Variants in GLCE observed in about 807,000 individuals in gnomAD.
GLCE encodes D-glucuronyl C5-epimerase.
Under a neutral mutation model 47.9 loss-of-function variants are expected in GLCE, and 19 were observed. The ratio of observed to expected loss-of-function variants is 0.40; its 90% CI spans 0.28 to 0.58. GLCE has a LOEUF of 0.58. Among genes scored for constraint, GLCE ranks in the 20% least tolerant of loss-of-function variants. The pLI, the probability that GLCE is intolerant of heterozygous loss-of-function variation, is 0.48. For missense variants in GLCE, 556 were observed against 743.3 expected, an observed-to-expected ratio of 0.75 and a Z score of 2.93; for synonymous variants, 245 against 263.4, an observed-to-expected ratio of 0.93 and a Z score of 0.68.
At chr15:69,264,318 C>A (rs1193129249) in intron 4 of GLCE, among the ~76,000 whole-genome samples, 2 of 152,090 alleles carry the variant, frequency 1.3e-5, no homozygotes, top group East Asian at 3.8e-4. Flanking sequence ...TCACAAACGG[C>A]AGGATTTCCT....
intron 1 of GLCE, among the ~76,000 whole-genome samples, chr15:69,170,121 G>A (rs1262797915): frequency 6.6e-6 from 1 of 152,032 alleles, no homozygotes; most frequent in Non-Finnish European, 1.5e-5. Context: ...TTTCTAGAAA[G>A]TTGCTAATTT....
At chr15:69,261,065 A>C (rs369532089) in intron 3 of GLCE, 22 bp from the exon 4 acceptor site, 1 of 1,602,162 alleles carries the variant, frequency 6.2e-7, no homozygotes, top group East Asian at 2.2e-5. Flanking sequence ...ATGATTATTC[A>C]TTTTGTTTCT....
At chr15:69,259,615 C>A (rs530624774) in intron 3 of GLCE, among the ~76,000 whole-genome samples, 295 of 152,266 alleles carry the variant, frequency 1.9e-3, no homozygotes, top group Non-Finnish European at 3.6e-3. Flanking sequence ...ATGGAATATT[C>A]GTCATTATAC....
At chr15:69,222,785 T>G (rs2052395373) in intron 2 of GLCE, among the ~76,000 whole-genome samples, 1 of 152,240 alleles carries the variant, frequency 6.6e-6, no homozygotes, top group African/African-American at 2.4e-5. Context: ...TCTGTTCATA[T>G]CCTGCTCCTT....
chr15:69,257,967 G>A (rs1343761464), intron 3 of GLCE, among the ~76,000 whole-genome samples: 2 of 151,534 alleles, frequency 1.3e-5, no homozygotes, highest in African/African-American at 4.8e-5. Flanking sequence ...TCTTTTTGTT[G>A]TTGTAGAAAT....
At chr15:69,259,246 T>C (rs983819772) in intron 3 of GLCE, among the ~76,000 whole-genome samples, 7 of 152,248 alleles carry the variant, frequency 4.6e-5, no homozygotes, top group African/African-American at 9.6e-5. Flanking sequence ...TGTGAACTTA[T>C]GTAGTAAGGG....
At chr15:69,185,103 T>A (rs16952914) in intron 1 of GLCE, among the ~76,000 whole-genome samples, 18,568 of 152,250 alleles carry the variant, frequency 0.12, 1,199 homozygotes, top group East Asian at 0.16. Context: ...TGTGTTCTAA[T>A]GCTCTGAGGT....
chr15:69,169,209 C>T (rs867907827), intron 1 of GLCE, among the ~76,000 whole-genome samples: 7 of 152,198 alleles, frequency 4.6e-5, no homozygotes, highest in Middle Eastern at 6.8e-3. Flanking sequence ...TTTCATTATA[C>T]GAGTGTCTAT....
Position 69,246,377 on chromosome 15 carries a change from A to G in GLCE, c.-13-9417A>G, listed in dbSNP as rs566399059. Among the ~76,000 whole-genome samples, 5 of 152,324 alleles carry G rather than the reference A, an allele frequency of 3.3e-5. No homozygotes were observed. In the East Asian group the frequency reaches 9.6e-4, roughly 29 times the overall value. On this transcript the variant is annotated intron_variant, in intron 2 of 4. Transcript: ENST00000261858. ...ACCTAGATCCATCAGAGGAATCACC[A>G]TCTATGGCCAGCTATAGTGTTACAA...
chr15:69,181,566 A>G (rs1280332374), intron 1 of GLCE, among the ~76,000 whole-genome samples: 1 of 152,194 alleles, frequency 6.6e-6, no homozygotes, highest in East Asian at 1.9e-4. Flanking sequence ...AGTTCCAGTA[A>G]AGAGAACTGG....
In GLCE at chr15:69,171,723, A is replaced by G. The variant is rs146157242; in HGVS notation, c.-105+10966A>G. On this transcript the variant is annotated intron_variant, in intron 1 of 4. Coordinates refer to ENST00000261858, the MANE Select transcript of GLCE (RefSeq NM_015554.3). ...GGGATAGATTCTTTTTAAGGCCCTT[A>G]TTTCAAAAACTAAAATTTGGGAATG... is the stretch of plus-strand genomic sequence containing the variant. 1.3e-3 allele frequency among the ~76,000 whole-genome samples: 205 copies of G among 152,232 alleles called. 1 individual carries two copies. The highest frequency in any genetic ancestry group is 4.7e-3 in the African/African-American group (197 of 41,528).
At chr15:69,245,598 A>G (rs2052735844) in intron 2 of GLCE, among the ~76,000 whole-genome samples, 1 of 152,202 alleles carries the variant, frequency 6.6e-6, no homozygotes, top group Admixed American at 6.5e-5. Flanking sequence ...GTATCATTCC[A>G]TGCCATTTGA....
intron 2 of GLCE, among the ~76,000 whole-genome samples, chr15:69,243,057 C>CAA (rs547412078): frequency 0.031 from 1,316 of 42,210 alleles, 52 homozygotes; most frequent in African/African-American, 0.081. Flanking sequence ...AGATCCTGTC[C>CAA]AAAAAAAAAA....
At chr15:69,163,794 T>A (rs186898127) in intron 1 of GLCE, among the ~76,000 whole-genome samples, 9 of 152,318 alleles carry the variant, frequency 5.9e-5, no homozygotes, top group Admixed American at 5.2e-4. Context: ...AATTAAAACA[T>A]TTCAGTCACT....
intron 1 of GLCE, among the ~76,000 whole-genome samples, chr15:69,206,856 G>C (rs1458622245): frequency 1.3e-5 from 2 of 151,996 alleles, no homozygotes; most frequent in African/African-American, 4.8e-5. Flanking sequence ...GGCCTTCTCA[G>C]AGGATAGAGC....
intron 2 of GLCE, among the ~76,000 whole-genome samples, chr15:69,210,955 A>G (rs2052225602): frequency 6.6e-6 from 1 of 152,136 alleles, no homozygotes; most frequent in Non-Finnish European, 1.5e-5. Flanking sequence ...TAGAAAACTG[A>G]AGCAGGGTAT....
intron 2 of GLCE, among the ~76,000 whole-genome samples, chr15:69,247,864 T>C (rs2052775256): frequency 1.3e-5 from 2 of 152,214 alleles, no homozygotes; most frequent in African/African-American, 4.8e-5. Context: ...CCATTTTATA[T>C]GAGTACAGTT....
chr15:69,265,667 G>A (rs1429420387), intron 4 of GLCE, among the ~76,000 whole-genome samples: 1 of 152,100 alleles, frequency 6.6e-6, no homozygotes, highest in African/African-American at 2.4e-5. Flanking sequence ...GAAGATATAA[G>A]GTGACTGATT....
At chr15:69,233,166 A>C (rs1465851463) in intron 2 of GLCE, among the ~76,000 whole-genome samples, 3 of 152,160 alleles carry the variant, frequency 2.0e-5, no homozygotes, top group African/African-American at 7.2e-5. Context: ...TCCTTTCAGA[A>C]AAGTATGTTC....
Sources: gnomAD v4.1 joint callset for allele counts (sites outside exome capture counted in the v4.1 genomes callset) on GRCh38, gnomAD v4.1.1 for gene constraint, MANE v1.5 for transcripts, NCBI Gene and HGNC (gene_info 2026-07-23, HGNC 2026-07-21) for gene names.